The following SPATS2 variants were observed in gnomAD, a reference collection of about 807,000 sequenced individuals.
SPATS2 encodes the protein spermatogenesis-associated serine-rich protein 2.
In SPATS2, 38 loss-of-function variants were observed where a neutral mutation model predicts 63.7. The ratio of observed to expected loss-of-function variants is 0.60; its 90% CI spans 0.46 to 0.78. SPATS2 has a LOEUF of 0.78. Ranked by LOEUF, SPATS2 falls within the 30% of genes least tolerant of loss-of-function variation. The probability of loss-of-function intolerance (pLI) is 0.00; values close to 1 mark genes in which losing one functional copy is unlikely to be tolerated. For synonymous variants in SPATS2, 207 were observed against 232.9 expected (o/e 0.89, Z 1.01); for missense variants, 588 against 666.2 (o/e 0.88, Z 1.29).
intron 2 of SPATS2, among the ~76,000 whole-genome samples, chr12:49,403,220 C>T (rs1944636815): frequency 6.6e-6 from 1 of 152,190 alleles, no homozygotes; most frequent in African/African-American, 2.4e-5. Context: ...GTTCCCTTTA[C>T]TTCTGGCAGT....
At chr12:49,491,348 C>T (rs543653686) in intron 6 of SPATS2, among the ~76,000 whole-genome samples, 1 of 152,170 alleles carries the variant, frequency 6.6e-6, no homozygotes, top group Non-Finnish European at 1.5e-5. Flanking sequence ...TACCATAAAT[C>T]AGTTAAAACA....
chr12:49,425,821 G>C lies in SPATS2; in HGVS notation c.-243-34949G>C, dbSNP rs1395201826. ...ATTTTTTTGTATTTTTAGTAGAGAC[G>C]GGGGTTTCACCACGTTGGCCAGGCT... On this transcript the variant is annotated intron_variant, in intron 2 of 13. Coordinates refer to ENST00000552918, the MANE Select transcript of SPATS2 (RefSeq NM_023071.4). Among the ~76,000 whole-genome samples the C allele has an allele frequency of 2.0e-5, 3 of 150,752 alleles. No individual in the cohort carries two copies. In the East Asian group the frequency reaches 5.9e-4, roughly 29 times the overall value.
chr12:49,386,150 G>A (rs1216749704), intron 2 of SPATS2, among the ~76,000 whole-genome samples: 2 of 149,928 alleles, frequency 1.3e-5, no homozygotes, highest in Non-Finnish European at 3.0e-5. Flanking sequence ...TTACAGGTGT[G>A]AGCCACTGTG....
intron 3 of SPATS2, among the ~76,000 whole-genome samples, chr12:49,468,820 C>T (rs890049092): frequency 1.2e-4 from 18 of 152,106 alleles, no homozygotes; most frequent in African/African-American, 4.1e-4. Flanking sequence ...AGCTATAGAA[C>T]TTTTGAGAAC....
At chr12:49,518,914 A>G (rs760783086) in intron 10 of SPATS2, among the ~76,000 whole-genome samples, 159 bp from the exon 11 acceptor site, 3 of 152,220 alleles carry the variant, frequency 2.0e-5, no homozygotes, top group Non-Finnish European at 4.4e-5. Context: ...CAGAGACCCA[A>G]TGGAAGGTAG....
chr12:49,465,078 A>T (rs569496364), intron 3 of SPATS2, among the ~76,000 whole-genome samples: 3 of 152,208 alleles, frequency 2.0e-5, no homozygotes, highest in Non-Finnish European at 4.4e-5. Flanking sequence ...TTTTACTACT[A>T]AGTAGTCTTG....
Position 49,522,869 on chromosome 12 carries a change from G to A in SPATS2, c.1111+16G>A. Reference sequence around the variant, plus strand: ...TTTGGACAAGGTGAGATGGTGAGAGGGTCTGGGCACTACAGGTGGTGATTA... The same window carrying A: ...TTTGGACAAGGTGAGATGGTGAGAGAGTCTGGGCACTACAGGTGGTGATTA... On this transcript the variant is annotated intron_variant, in intron 12 of 13. Transcript: ENST00000552918. 3.7e-6 allele frequency: 6 copies of A among 1,605,190 alleles called. No homozygotes were observed. Among genetic ancestry groups the A allele is most frequent in the Non-Finnish European group, 5.1e-6 (6 of 1,172,930 alleles).
At chr12:49,516,398 T>C (rs1946851410) in intron 10 of SPATS2, among the ~76,000 whole-genome samples, 1 of 149,970 alleles carries the variant, frequency 6.7e-6, no homozygotes, top group Non-Finnish European at 1.5e-5. Context: ...AGAATATTAA[T>C]ACATCTTTTA....
intron 10 of SPATS2, among the ~76,000 whole-genome samples, chr12:49,516,710 T>TAAAAA (rs113290886): frequency 4.5e-5 from 6 of 134,526 alleles, no homozygotes; most frequent in African/African-American, 1.5e-4. Flanking sequence ...ATCTCAAAAC[T>TAAAAA]AAAAAAAAAA....
rs1174487087 is a variant in SPATS2 at position 49,526,059 on chromosome 12, G to T, written c.1442G>T (p.Trp481Leu). The T allele has an allele frequency of 6.2e-7, 1 of 1,614,066 alleles. No homozygotes were observed. The highest frequency in any genetic ancestry group is 8.5e-7 in the Non-Finnish European group (1 of 1,180,038). Reference sequence around the variant, plus strand: ...ATGGGTCGTTACAGAAACAGCTCGTGGTATTCATCTGGTTCCAGGTATCAG... The same window carrying T: ...ATGGGTCGTTACAGAAACAGCTCGTTGTATTCATCTGGTTCCAGGTATCAG... ...DSMGRYRNSSWYSSGSRYQSA... is the reference protein window; with the variant it reads ...DSMGRYRNSSLYSSGSRYQSA... The change falls in exon 14 of 14, where the codon TGG (tryptophan) becomes TTG (leucine). Residue 481 changes from tryptophan (W) to leucine (L), a missense_variant. Coordinates refer to ENST00000552918, the MANE Select transcript of SPATS2 (RefSeq NM_023071.4).
chr12:49,514,460 A>G (rs1946806013), intron 9 of SPATS2, 95 bp from the exon 10 acceptor site: 7 of 1,163,504 alleles, frequency 6.0e-6, no homozygotes, highest in Non-Finnish European at 8.6e-6. Context: ...CTTTTAGCAA[A>G]CAAACTCACT....
At chr12:49,384,583 T>G (rs975732490) in intron 2 of SPATS2, among the ~76,000 whole-genome samples, 84 of 152,206 alleles carry the variant, frequency 5.5e-4, no homozygotes, top group African/African-American at 2.0e-3. Flanking sequence ...GCATAAATGT[T>G]TTTTGATAAC....
chr12:49,389,210 A>G (rs780176106), intron 2 of SPATS2, among the ~76,000 whole-genome samples: 8 of 152,172 alleles, frequency 5.3e-5, no homozygotes, highest in Admixed American at 1.3e-4. Context: ...CAAAGCTTCA[A>G]GTGTTCGGCC....
chr12:49,475,568 G>A (rs1946103818), intron 3 of SPATS2, among the ~76,000 whole-genome samples: 1 of 152,088 alleles, frequency 6.6e-6, no homozygotes, highest in African/African-American at 2.4e-5. Flanking sequence ...AGCCTCCCGA[G>A]TAGCTGGGAT....
chr12:49,437,492 G>A (rs1475190488), intron 2 of SPATS2, among the ~76,000 whole-genome samples: 3 of 152,308 alleles, frequency 2.0e-5, no homozygotes, highest in African/African-American at 7.2e-5. Flanking sequence ...GGGAGGTGGA[G>A]GTTGTAGCGA....
intron 2 of SPATS2, among the ~76,000 whole-genome samples, chr12:49,408,770 G>C (rs1944742868): frequency 6.6e-6 from 1 of 152,000 alleles, no homozygotes. Flanking sequence ...TGGCCAGGCT[G>C]GTCTCGAACT....
intron 2 of SPATS2, among the ~76,000 whole-genome samples, chr12:49,386,078 A>C (rs1944313497): frequency 1.3e-5 from 2 of 151,678 alleles, no homozygotes; most frequent in African/African-American, 4.9e-5. Context: ...CATGTTGGCC[A>C]GGCTGGTCTC....
chr12:49,414,238 G>A (rs1565710018), intron 2 of SPATS2, among the ~76,000 whole-genome samples: 1 of 152,090 alleles, frequency 6.6e-6, no homozygotes. Context: ...TAATGTATTA[G>A]ATAAAAGCCA....
intron 2 of SPATS2, among the ~76,000 whole-genome samples, chr12:49,440,010 A>C (rs1401620191): frequency 6.6e-6 from 1 of 152,204 alleles, no homozygotes; most frequent in Non-Finnish European, 1.5e-5. Flanking sequence ...TTTTGGACAT[A>C]ATTTCAAACT....
Sources: gnomAD v4.1 joint callset for allele counts (sites outside exome capture counted in the v4.1 genomes callset) on GRCh38, gnomAD v4.1.1 for gene constraint, MANE v1.5 for transcripts, NCBI Gene and HGNC (gene_info 2026-07-23, HGNC 2026-07-21) for gene names.